Variants in COL22A1 observed in about 807,000 individuals in gnomAD.
COL22A1 encodes collagen alpha-1(XXII) chain.
A neutral mutation model predicts 248.9 loss-of-function variants in COL22A1; 221 were observed. That is an observed-to-expected ratio of 0.89 (90% confidence interval 0.80 to 0.99). The LOEUF (loss-of-function observed/expected upper bound fraction) is 0.99. Ranked by LOEUF, COL22A1 falls within the 50% of genes least tolerant of loss-of-function variation. The pLI is 0.00. For missense variants in COL22A1, 2,240 were observed against 2,179.0 expected (o/e 1.03, Z -0.56); for synonymous variants, 891 against 793.4 (o/e 1.12, Z -2.07).
intron 23 of COL22A1, among the ~76,000 whole-genome samples, chr8:138,731,420 G>A (rs1407771606): frequency 6.6e-6 from 1 of 152,200 alleles, no homozygotes; most frequent in Non-Finnish European, 1.5e-5. Flanking sequence ...GCCAGCGCCA[G>A]CACTGGAAGA....
chr8:138,711,495 G>T (rs1163604831), intron 30 of COL22A1, among the ~76,000 whole-genome samples: 1 of 152,218 alleles, frequency 6.6e-6, no homozygotes, highest in African/African-American at 2.4e-5. Context: ...GGGCTTTATG[G>T]TCTCGCTAAG....
At position 138,872,304 on chromosome 8, in the gene COL22A1, C is replaced by A. The variant is rs528640480; in HGVS notation, c.658+5446G>T. On this transcript the variant is annotated intron_variant, in intron 3 of 64. Transcript: ENST00000303045. ...GTGGGAGAGGGGGAGGGGATGACCA[C>A]ACATCCGGAGAGAGAAAACACCACG... Among the ~76,000 whole-genome samples the A allele has an allele frequency of 3.3e-5, 5 of 152,278 alleles. No homozygotes were observed. The South Asian group carries it at 1.0e-3, about 32-fold the overall frequency.
intron 49 of COL22A1, among the ~76,000 whole-genome samples, chr8:138,633,599 C>T (rs973150945): frequency 1.3e-5 from 2 of 152,192 alleles, no homozygotes; most frequent in African/African-American, 4.8e-5. Context: ...TCATAATATA[C>T]AATTATTCGT....
At chr8:138,853,436 A>T (rs866850080) in intron 3 of COL22A1, among the ~76,000 whole-genome samples, 1 of 152,220 alleles carries the variant, frequency 6.6e-6, no homozygotes, top group African/African-American at 2.4e-5. Context: ...GAAAACACAC[A>T]TACTCCCAAT....
intron 7 of COL22A1, among the ~76,000 whole-genome samples, chr8:138,814,733 T>C (rs542197826): frequency 1.3e-5 from 2 of 152,276 alleles, no homozygotes; most frequent in South Asian, 4.1e-4. Context: ...CACTCTCAGA[T>C]TCCTCATCCA....
chr8:138,745,286 G>T (rs944261120), intron 22 of COL22A1, among the ~76,000 whole-genome samples: 8 of 152,016 alleles, frequency 5.3e-5, no homozygotes, highest in African/African-American at 1.2e-4. Context: ...GGCGTAAGAA[G>T]GGACCACATT....
rs777849915 is a variant in COL22A1 at position 138,684,455 on chromosome 8, T to C, written c.2982A>G (p.Ser994=). ...TTCCTAGGGGTCCAGGGAGTCCAGG[T>C]GATCCACGGAGTCCCTGGAGAAATA... ...GKDGEPGLRG[S]PGLPGPLGTK... is the part of the protein sequence containing the mutation. Residue 994 remains serine, a synonymous_variant, in exon 39 of 65, where the codon TCA becomes TCG. Transcript: ENST00000303045. 3 of 1,611,210 alleles carry C rather than the reference T, an allele frequency of 1.9e-6. No homozygotes were observed. The South Asian group carries it at 3.3e-5, about 18-fold the overall frequency.
At chr8:138,823,448 C>T (rs1241352429) in intron 6 of COL22A1, among the ~76,000 whole-genome samples, 2 of 152,074 alleles carry the variant, frequency 1.3e-5, no homozygotes, top group Non-Finnish European at 2.9e-5. Flanking sequence ...TTTCTGTCAT[C>T]CCAGCTGGAG....
intron 7 of COL22A1, among the ~76,000 whole-genome samples, chr8:138,813,672 ACG>A (rs1308309210): frequency 2.1e-4 from 31 of 150,208 alleles, no homozygotes; most frequent in Non-Finnish European, 3.9e-4. Context: ...GCTTCAGGAC[ACG>A]TTAAAGTCCA....
chr8:138,693,572 T>TAGAGC, intron 35 of COL22A1, 74 bp downstream of exon 35: 1 of 1,453,962 alleles, frequency 6.9e-7, no homozygotes, highest in Non-Finnish European at 9.4e-7. Context: ...CTGTGAGCCA[T>TAGAGC]AGAGCAGAGC....
intron 16 of COL22A1, among the ~76,000 whole-genome samples, chr8:138,771,131 C>T (rs577208023): frequency 9.2e-5 from 14 of 152,332 alleles, no homozygotes; most frequent in South Asian, 6.2e-4. Context: ...GCTCTAGCCA[C>T]GGCCACGTCA....
chr8:138,595,118 A>G (rs1038741897), intron 62 of COL22A1, among the ~76,000 whole-genome samples: 2 of 152,092 alleles, frequency 1.3e-5, no homozygotes, highest in African/African-American at 2.4e-5. Context: ...AGGCTACCCA[A>G]GGCCCCCGGC....
chr8:138,821,807 T>C (rs909603849), intron 6 of COL22A1, among the ~76,000 whole-genome samples: 1 of 152,018 alleles, frequency 6.6e-6, no homozygotes, highest in African/African-American at 2.4e-5. Context: ...TCCCAACTAG[T>C]TTCAGTGTCT....
chr8:138,720,153 G>A (rs1439145843), intron 27 of COL22A1, among the ~76,000 whole-genome samples: 1 of 152,082 alleles, frequency 6.6e-6, no homozygotes, highest in Non-Finnish European at 1.5e-5. Context: ...GTCACATGCT[G>A]GGAAGCCTCC....
intron 6 of COL22A1, among the ~76,000 whole-genome samples, chr8:138,821,789 GC>G (rs34763544): frequency 0.2 from 29,797 of 152,114 alleles, 3,128 homozygotes; most frequent in South Asian, 0.27. Context: ...TGTGAGACCA[GC>G]CAGAAATCCC....
intron 63 of COL22A1, 97 bp downstream of exon 63, chr8:138,593,920 G>A: frequency 1.1e-6 from 1 of 908,112 alleles, no homozygotes; most frequent in South Asian, 2.3e-5. Flanking sequence ...GGGAATGAGA[G>A]TGGCATGAAT....
chr8:138,891,198 G>T (rs949281859), intron 1 of COL22A1, among the ~76,000 whole-genome samples: 1 of 152,184 alleles, frequency 6.6e-6, no homozygotes, highest in Admixed American at 6.5e-5. Context: ...AAAAGTTAAA[G>T]ACCTAAATAA....
chr8:138,693,666 G>A lies in COL22A1; in HGVS notation c.2734C>T (p.Pro912Ser). 6.3e-7 allele frequency: 1 copy of A among 1,586,336 alleles called. No individual in the cohort carries two copies. The highest frequency in any genetic ancestry group is 1.2e-5 in the South Asian group (1 of 86,684). The change falls in exon 35 of 65, where the codon CCT (proline) becomes TCT (serine). Residue 912 changes from proline to serine, a missense_variant. Physicochemically the swap from Pro to Ser is moderately conservative, Grantham distance 74 (BLOSUM62 -1). Transcript: ENST00000303045. ...AKGQEGAHGA[P>S]GAAGNPGAPG... Reference sequence around the variant, plus strand: ...CTCACGGGGTTTCCAGCTGCTCCAGGAGCCCCATGTGCACCTTCCTGTCCC... The same window carrying A: ...CTCACGGGGTTTCCAGCTGCTCCAGAAGCCCCATGTGCACCTTCCTGTCCC...
At chr8:138,844,984 A>G (rs936712993) in intron 3 of COL22A1, among the ~76,000 whole-genome samples, 2 of 151,712 alleles carry the variant, frequency 1.3e-5, no homozygotes, top group African/African-American at 4.8e-5. Context: ...GCATGCACAT[A>G]TACATGAAAC....
Sources: allele counts gnomAD v4.1 joint callset (sites outside exome capture counted in the v4.1 genomes callset), GRCh38; gene constraint gnomAD v4.1.1; transcripts MANE v1.5; gene names NCBI Gene and HGNC (gene_info 2026-07-23, HGNC 2026-07-21).